WWOX: variants seen among roughly 807,000 people sequenced by gnomAD.
WWOX encodes the protein WW domain containing oxidoreductase, also known as WW domain-containing oxidoreductase.
WWOX carries 69 observed loss-of-function variants against 46.2 expected under a neutral mutation model. The observed-to-expected ratio is 1.49, with a 90% CI of 1.23 to 1.82. The LOEUF (loss-of-function observed/expected upper bound fraction) is 1.82, where lower values mean the gene tolerates loss of function less well. WWOX is among the 40% of genes most tolerant of loss of function. WWOX has a pLI of 0.00. For synonymous variants in WWOX, 359 were observed against 202.6 expected, an observed-to-expected ratio of 1.77 and a Z score of -6.56; for missense variants, 919 against 542.6, an observed-to-expected ratio of 1.69 and a Z score of -6.89.
chr16:78,415,721 T>G (rs1774710830), intron 6 of WWOX, among the ~76,000 whole-genome samples: 2 of 152,302 alleles, frequency 1.3e-5, no homozygotes, highest in Middle Eastern at 6.8e-3. Context: ...CTGGTCCCTT[T>G]GCAGTAGGAA....
intron 8 of WWOX, among the ~76,000 whole-genome samples, chr16:79,090,473 T>G (rs2048937543): frequency 6.6e-6 from 1 of 152,172 alleles, no homozygotes; most frequent in African/African-American, 2.4e-5. Flanking sequence ...ATCCCTGCCC[T>G]CAGGGAGCTT....
intron 8 of WWOX, among the ~76,000 whole-genome samples, chr16:78,490,733 C>T (rs2084762058): frequency 6.6e-6 from 1 of 152,182 alleles, no homozygotes; most frequent in South Asian, 2.1e-4. Flanking sequence ...CTCCTGTTTT[C>T]TACACAGTGG....
chr16:78,841,695 T>C (rs186862181), intron 8 of WWOX, among the ~76,000 whole-genome samples: 1 of 152,230 alleles, frequency 6.6e-6, no homozygotes, highest in African/African-American at 2.4e-5. Context: ...ATTAGACGAT[T>C]TCATTTTGGG....
At chr16:78,630,043 T>A (rs1014246456) in intron 8 of WWOX, among the ~76,000 whole-genome samples, 1 of 152,244 alleles carries the variant, frequency 6.6e-6, no homozygotes, top group Non-Finnish European at 1.5e-5. Context: ...CTCACTCATG[T>A]AGACTCGAAG....
intron 8 of WWOX, among the ~76,000 whole-genome samples, chr16:79,146,055 T>C (rs1263242013): frequency 6.6e-6 from 1 of 152,172 alleles, no homozygotes; most frequent in African/African-American, 2.4e-5. Flanking sequence ...ATAACATAAA[T>C]ACCGGTAGAA....
intron 8 of WWOX, among the ~76,000 whole-genome samples, chr16:78,638,339 C>G (rs1201569211): frequency 6.6e-6 from 1 of 152,162 alleles, no homozygotes; most frequent in Non-Finnish European, 1.5e-5. Flanking sequence ...TTAAACCTCT[C>G]TATTCAGTTG....
rs943695757 is a variant in WWOX, at chr16:78,858,211, G to A, written c.1057-353397G>A. ...CATGATATAAGTTTTTATTTCAATC[G>A]TTTTAGGGGTAAAGTGGTTTTTGAT... On this transcript the variant is annotated intron_variant, in intron 8 of 8. Transcript: ENST00000566780. Among the ~76,000 whole-genome samples, 19 of 136,068 alleles carry A rather than the reference G, an allele frequency of 1.4e-4. No homozygotes were observed. The South Asian group carries it at 3.6e-3, about 26-fold the overall frequency. The allele number at this position is 136,068 out of a possible 152,430, so 89.3% of individuals were successfully genotyped here. A position where few individuals can be genotyped will look rare whatever the true frequency, so the allele number is the denominator to read the frequency against.
At chr16:78,670,977 G>C (rs1484097588) in intron 8 of WWOX, among the ~76,000 whole-genome samples, 1 of 151,844 alleles carries the variant, frequency 6.6e-6, no homozygotes, top group Non-Finnish European at 1.5e-5. Context: ...GATTGGAGTG[G>C]TGCCATCTAC....
chr16:79,056,879 C>T (rs956493749), intron 8 of WWOX, among the ~76,000 whole-genome samples: 1 of 152,222 alleles, frequency 6.6e-6, no homozygotes, highest in Non-Finnish European at 1.5e-5. Context: ...GCCTTTCAGG[C>T]AGGCTGGGCA....
intron 8 of WWOX, among the ~76,000 whole-genome samples, chr16:78,810,891 A>T (rs532140378): frequency 1.3e-5 from 2 of 152,366 alleles, no homozygotes; most frequent in African/African-American, 4.8e-5. Context: ...CAGAAGAGAC[A>T]GTAATGCTGT....
chr16:78,538,817 A>G lies in WWOX; in HGVS notation c.1056+106065A>G, dbSNP rs554121852. The stretch of plus-strand genomic sequence containing the variant: ...ACGCATGGGTGGAAATGTATAAAAT[A>G]TGTCACCTGATATTGGAGGATTGTT... On this transcript the variant is annotated intron_variant, in intron 8 of 8. Transcript: ENST00000566780. Among the ~76,000 whole-genome samples, 13 of 152,318 alleles carry G rather than the reference A, an allele frequency of 8.5e-5. No individual in the cohort carries two copies. In the South Asian group the frequency reaches 2.7e-3, roughly 32 times the overall value.
At chr16:78,312,381 C>CTTTTTTTTTTTTTTTTTT (rs561304972) in intron 5 of WWOX, among the ~76,000 whole-genome samples, 4 of 132,852 alleles carry the variant, frequency 3.0e-5, no homozygotes, top group Admixed American at 8.1e-5. Flanking sequence ...AGGTCTAATT[C>CTTTTTTTTTTTTTTTTTT]TTTTTTTTTT....
chr16:78,376,058 C>CA (rs2081816618), intron 5 of WWOX, among the ~76,000 whole-genome samples: 1 of 152,056 alleles, frequency 6.6e-6, no homozygotes, highest in Non-Finnish European at 1.5e-5. Flanking sequence ...CCATCATGGC[C>CA]AGGCTGTTCT....
intron 8 of WWOX, among the ~76,000 whole-genome samples, chr16:79,141,489 A>G (rs2050087814): frequency 2.0e-5 from 3 of 152,248 alleles, no homozygotes; most frequent in East Asian, 3.9e-4. Context: ...AGACCTGTCA[A>G]CATGAACTGT....
chr16:78,113,916 T>G (rs58334941), intron 3 of WWOX, among the ~76,000 whole-genome samples: 6,710 of 152,190 alleles, frequency 0.044, 323 homozygotes, highest in African/African-American at 0.12. Flanking sequence ...GAGTATATAT[T>G]TTAAACTAAT....
intron 5 of WWOX, among the ~76,000 whole-genome samples, chr16:78,281,794 G>A (rs982226547): frequency 2.6e-5 from 4 of 152,094 alleles, no homozygotes; most frequent in African/African-American, 9.7e-5. Flanking sequence ...ACACAGCCGT[G>A]TTTGGCCCAG....
At chr16:78,402,578 C>G (rs1198737729) in intron 6 of WWOX, among the ~76,000 whole-genome samples, 1 of 152,104 alleles carries the variant, frequency 6.6e-6, no homozygotes. Flanking sequence ...CCTTTCTGAG[C>G]CCCTCTTGAA....
chr16:78,108,146 T>A (rs1002507084), intron 1 of WWOX, among the ~76,000 whole-genome samples: 2 of 151,422 alleles, frequency 1.3e-5, no homozygotes, highest in African/African-American at 4.9e-5. Context: ...CAGGATGGTC[T>A]CCATCTCCTG....
At chr16:78,885,460 G>A (rs576136568) in intron 8 of WWOX, among the ~76,000 whole-genome samples, 6 of 152,132 alleles carry the variant, frequency 3.9e-5, no homozygotes, top group African/African-American at 1.4e-4. Flanking sequence ...CTTATTCTGG[G>A]CTCTTGAACC....
Sources: gnomAD v4.1 joint callset for allele counts (sites outside exome capture counted in the v4.1 genomes callset) on GRCh38, gnomAD v4.1.1 for gene constraint, MANE v1.5 for transcripts, NCBI Gene and HGNC (gene_info 2026-07-23, HGNC 2026-07-21) for gene names.